ZSWIM7: variants seen among roughly 807,000 people sequenced by gnomAD.
The protein encoded by ZSWIM7 is zinc finger SWIM domain-containing protein 7.
A neutral mutation model predicts 21.1 loss-of-function variants in ZSWIM7; 22 were observed. The ratio of observed to expected loss-of-function variants is 1.04; its 90% CI spans 0.74 to 1.49. The LOEUF (loss-of-function observed/expected upper bound fraction) is 1.49. ZSWIM7 is among the 40% of genes most tolerant of loss of function. ZSWIM7 has a pLI of 0.00. For missense variants in ZSWIM7, 193 were observed against 168.0 expected (o/e 1.15, Z -0.82); for synonymous variants, 67 against 66.5 (o/e 1.01, Z -0.04).
At chr17:15,998,475 G>C (rs1404637150) in intron 1 of ZSWIM7, among the ~76,000 whole-genome samples, 1 of 152,172 alleles carries the variant, frequency 6.6e-6, no homozygotes, top group Non-Finnish European at 1.5e-5. Context: ...TTGAATAAGC[G>C]ATGGCAGTTT....
chr17:15,998,116 C>A (rs1416234653), intron 1 of ZSWIM7, among the ~76,000 whole-genome samples: 2 of 151,610 alleles, frequency 1.3e-5, no homozygotes, highest in Non-Finnish European at 2.9e-5. Flanking sequence ...AAAAACAAAC[C>A]AACCCAAACT....
At chr17:15,979,537 G>A (rs546928530) in intron 4 of ZSWIM7, among the ~76,000 whole-genome samples, 1 of 152,118 alleles carries the variant, frequency 6.6e-6, no homozygotes, top group East Asian at 1.9e-4. Flanking sequence ...GCCGGGCAGA[G>A]GGGCTCCTCA....
At chr17:15,978,569 G>T (rs563130913) in intron 4 of ZSWIM7, among the ~76,000 whole-genome samples, 1 of 152,318 alleles carries the variant, frequency 6.6e-6, no homozygotes, top group African/African-American at 2.4e-5. Flanking sequence ...CTGCACTACA[G>T]CCTGGGTGAC....
At chr17:15,983,432 G>A (rs1970378699) in intron 3 of ZSWIM7, among the ~76,000 whole-genome samples, 1 of 150,030 alleles carries the variant, frequency 6.7e-6, no homozygotes, top group Non-Finnish European at 1.5e-5. Context: ...CTACTGCAAG[G>A]CTCTGATGTG....
intron 3 of ZSWIM7, among the ~76,000 whole-genome samples, chr17:15,984,051 C>T (rs1306816212): frequency 6.6e-6 from 1 of 152,050 alleles, no homozygotes; most frequent in Non-Finnish European, 1.5e-5. Context: ...ATTGCGAGTC[C>T]CCGTCCATCA....
At chr17:15,986,028 G>GT (rs923277549) in intron 3 of ZSWIM7, among the ~76,000 whole-genome samples, 34 of 150,228 alleles carry the variant, frequency 2.3e-4, no homozygotes, top group African/African-American at 5.9e-4. Context: ...TACCATCCAA[G>GT]TTTTTTTTTG....
intron 1 of ZSWIM7, among the ~76,000 whole-genome samples, chr17:15,996,171 C>T (rs777869355): frequency 4.6e-5 from 7 of 151,850 alleles, no homozygotes; most frequent in East Asian, 1.9e-4. Context: ...GGCATGGTGG[C>T]GCATGCCTGT....
At chr17:15,983,809 A>T (rs1597438403) in intron 3 of ZSWIM7, among the ~76,000 whole-genome samples, 1 of 151,386 alleles carries the variant, frequency 6.6e-6, no homozygotes, top group Non-Finnish European at 1.5e-5. Context: ...CTGGTCTTGA[A>T]CTCCTGACCT....
chr17:15,997,097 A>G (rs1174446653), intron 1 of ZSWIM7, among the ~76,000 whole-genome samples: 4 of 151,704 alleles, frequency 2.6e-5, no homozygotes, highest in Non-Finnish European at 5.9e-5. Context: ...CTAGGAGGTC[A>G]AAGCTACAGT....
At chr17:15,978,198 G>T in intron 4 of ZSWIM7, 35 bp from the exon 5 acceptor site, 1 of 1,535,922 alleles carries the variant, frequency 6.5e-7, no homozygotes, top group South Asian at 1.1e-5. Flanking sequence ...ATTAGAAACA[G>T]GCAGGGCCAG....
intron 3 of ZSWIM7, among the ~76,000 whole-genome samples, chr17:15,981,767 A>T (rs768452580): frequency 3.3e-5 from 5 of 152,180 alleles, no homozygotes; most frequent in African/African-American, 4.8e-5. Flanking sequence ...AAATTTTTTT[A>T]AAGTCAGGTA....
chr17:15,998,889 G>C (rs1445000899), intron 1 of ZSWIM7, among the ~76,000 whole-genome samples: 1 of 149,664 alleles, frequency 6.7e-6, no homozygotes, highest in African/African-American at 2.5e-5. Context: ...TGAGTAGCTG[G>C]AATTACAGGC....
rs140425018 is a variant in ZSWIM7, at chr17:15,982,855, G to A, written c.202-1711C>T. Among the ~76,000 whole-genome samples the A allele has an allele frequency of 5.2e-3, 790 of 152,116 alleles. 6 individuals carry two copies. The highest frequency in any genetic ancestry group is 0.018 in the African/African-American group (747 of 41,520). ...TTTTGTAGAGATGGGGTCTTGCTAT[G>A]TTGTCCAGGCTGGTCTTTAACTGCT... On this transcript the variant is annotated intron_variant, in intron 3 of 4. Coordinates refer to ENST00000399277, the MANE Select transcript of ZSWIM7 (RefSeq NM_001042697.2).
intron 1 of ZSWIM7, among the ~76,000 whole-genome samples, chr17:15,996,475 T>C (rs1225343286): frequency 2.0e-5 from 3 of 151,738 alleles, no homozygotes; most frequent in African/African-American, 7.3e-5. Flanking sequence ...GGAAGACCCG[T>C]CTCTACAGAA....
intron 2 of ZSWIM7, among the ~76,000 whole-genome samples, chr17:15,988,392 T>G (rs1970441822): frequency 6.6e-6 from 1 of 152,208 alleles, no homozygotes; most frequent in South Asian, 2.1e-4. Context: ...GTTTCCATTT[T>G]ATACTATTAT....
At chr17:15,988,691 G>A (rs1383079962) in intron 2 of ZSWIM7, among the ~76,000 whole-genome samples, 1 of 151,792 alleles carries the variant, frequency 6.6e-6, no homozygotes, top group African/African-American at 2.4e-5. Flanking sequence ...ACAAAAAAGT[G>A]AAAACAGCAC....
At chr17:15,996,345 AG>A (rs2151632484) in intron 1 of ZSWIM7, among the ~76,000 whole-genome samples, 1 of 152,136 alleles carries the variant, frequency 6.6e-6, no homozygotes. Context: ...CAACTTTTTC[AG>A]ACATAAGCCT....
chr17:15,986,728 G>C (rs973619689), intron 3 of ZSWIM7: 13 of 152,156 alleles, frequency 8.5e-5, no homozygotes, highest in African/African-American at 3.1e-4. Context: ...GGAGAAATAA[G>C]TTCAGGGTAT....
chr17:15,981,475 G>T (rs546799180), intron 3 of ZSWIM7, among the ~76,000 whole-genome samples: 1 of 139,168 alleles, frequency 7.2e-6, no homozygotes, highest in Non-Finnish European at 1.5e-5. Context: ...AAGTGGGGGG[G>T]GGGAATCTCT....
Sources: allele counts gnomAD v4.1 joint callset (sites outside exome capture counted in the v4.1 genomes callset), GRCh38; gene constraint gnomAD v4.1.1; transcripts MANE v1.5; gene names NCBI Gene and HGNC (gene_info 2026-07-23, HGNC 2026-07-21).